The following TLN2 variants were observed in gnomAD, a reference collection of about 807,000 sequenced individuals.
The protein encoded by TLN2 is talin-2.
In TLN2, 118 loss-of-function variants were observed where a neutral mutation model predicts 294.7. The ratio of observed to expected loss-of-function variants is 0.40; its 90% CI spans 0.34 to 0.47. The LOEUF is 0.47. Among genes scored for constraint, TLN2 ranks in the 20% least tolerant of loss-of-function variants. The probability of loss-of-function intolerance (pLI) is 0.84; values close to 1 mark genes in which losing one functional copy is unlikely to be tolerated. For missense variants in TLN2, 3,083 were observed against 3,282.2 expected, an observed-to-expected ratio of 0.94 and a Z score of 1.48; for synonymous variants, 1,431 against 1,304.5, an observed-to-expected ratio of 1.10 and a Z score of -2.09.
intron 57 of TLN2, among the ~76,000 whole-genome samples, chr15:62,838,596 A>G (rs1054926831): frequency 2.6e-5 from 4 of 152,230 alleles, no homozygotes; most frequent in Non-Finnish European, 5.9e-5. Context: ...CATAATTGTA[A>G]TTCCCCTCAA....
At chr15:62,636,209 T>C (rs905240552) in intron 3 of TLN2, among the ~76,000 whole-genome samples, 1 of 152,138 alleles carries the variant, frequency 6.6e-6, no homozygotes, top group Non-Finnish European at 1.5e-5. Context: ...TGTAGAGAAC[T>C]AGACTTAATG....
chr15:62,562,062 C>T (rs1276005812), intron 1 of TLN2, among the ~76,000 whole-genome samples: 1 of 152,142 alleles, frequency 6.6e-6, no homozygotes, highest in Non-Finnish European at 1.5e-5. Context: ...AACTGTCCAT[C>T]TTCAAATTCG....
chr15:62,721,063 G>A (rs1445038615), intron 25 of TLN2, among the ~76,000 whole-genome samples: 2 of 151,302 alleles, frequency 1.3e-5, no homozygotes, highest in African/African-American at 4.9e-5. Context: ...CCGTGTAGAT[G>A]TGTTCCTGGT....
rs1427344880 is a variant in TLN2 at position 62,656,144 on chromosome 15, G to A, written c.660+58G>A. On this transcript the variant is annotated intron_variant, in intron 8 of 58. Transcript: ENST00000636159. ...GTGAGATTGCAGGAAGCTCCTGGCT[G>A]TATCTTGTGGCGAGCAGGAGGGCGG... 1.1e-5 allele frequency: 18 copies of A among 1,592,034 alleles called. No homozygotes were observed. The Admixed American group carries it at 1.4e-4, about 12-fold the overall frequency.
At chr15:62,830,400 G>A (rs565807005) in intron 54 of TLN2, 1 of 152,500 alleles carries the variant, frequency 6.6e-6, no homozygotes, top group African/African-American at 2.4e-5. Context: ...AGCTGCAGTG[G>A]GGACTGTTCC....
At chr15:62,436,012 C>T (rs1324831372) in intron 1 of TLN2, among the ~76,000 whole-genome samples, 1 of 152,156 alleles carries the variant, frequency 6.6e-6, no homozygotes, top group Non-Finnish European at 1.5e-5. Context: ...ATCACTGTTG[C>T]CTGCCTTCTC....
chr15:62,508,920 A>C (rs1455535452), intron 1 of TLN2, among the ~76,000 whole-genome samples: 1 of 152,242 alleles, frequency 6.6e-6, no homozygotes, highest in African/African-American at 2.4e-5. Flanking sequence ...TTGTATATAC[A>C]TGTGATAGTA....
chr15:62,492,553 A>AG (rs1161876529), intron 1 of TLN2, among the ~76,000 whole-genome samples: 3 of 151,486 alleles, frequency 2.0e-5, no homozygotes, highest in East Asian at 3.9e-4. Flanking sequence ...CAAAAAAAAA[A>AG]AAAAAAAGAA....
intron 1 of TLN2, among the ~76,000 whole-genome samples, chr15:62,440,150 T>A (rs930907256): frequency 6.8e-4 from 104 of 152,238 alleles, no homozygotes; most frequent in Non-Finnish European, 2.6e-4. Context: ...ATACCTTGGC[T>A]AACCTGTCTC....
chr15:62,630,989 A>AG (rs1379124987), intron 3 of TLN2, among the ~76,000 whole-genome samples: 1 of 152,150 alleles, frequency 6.6e-6, no homozygotes, highest in African/African-American at 2.4e-5. Context: ...AACTTAAAAG[A>AG]TTTTTTCATT....
Position 62,619,500 on chromosome 15 carries a change from T to TAA in TLN2, c.-37+1025_-37+1026insAA, listed in dbSNP as rs1325678933. ...ATTTTTCATTAACAACTGTAGTGGG[T>TAA]TGAATAGTGTGACCCACCTGCCCCC... On this transcript the variant is annotated intron_variant, in intron 3 of 58. Coordinates refer to ENST00000636159, the MANE Select transcript of TLN2 (RefSeq NM_015059.3). Among the ~76,000 whole-genome samples, 12 of 152,348 alleles carry TAA rather than the reference T, an allele frequency of 7.9e-5. No homozygotes were observed. In the East Asian group the frequency reaches 2.3e-3, roughly 29 times the overall value.
intron 24 of TLN2, among the ~76,000 whole-genome samples, chr15:62,718,364 G>A (rs867025258): frequency 6.6e-6 from 1 of 152,220 alleles, no homozygotes; most frequent in South Asian, 2.1e-4. Flanking sequence ...TGTCCTGGAA[G>A]TATTTGCAGC....
rs1317326271 is a variant in TLN2, at chr15:62,800,680, C to T, written c.6388C>T (p.Leu2130Phe). The part of the protein sequence containing the change: ...KVMVTNVTSL[L>F]KTVKAVEDEA... ...GATGGTGACCAATGTCACCTCGCTC[C>T]TCAAGACTGTAAAGGCAGTGGAGGA... is the stretch of plus-strand genomic sequence containing the variant. The change falls in exon 50 of 59, where the codon CTC (leucine) becomes TTC (phenylalanine). Residue 2130 changes from leucine (L) to phenylalanine (F), a missense_variant. Coordinates refer to ENST00000636159, the MANE Select transcript of TLN2 (RefSeq NM_015059.3). 3 of 1,614,186 alleles carry T rather than the reference C, an allele frequency of 1.9e-6. No individual in the cohort carries two copies. The highest frequency in any genetic ancestry group is 3.3e-5 in the Admixed American group (2 of 60,024).
intron 3 of TLN2, chr15:62,640,145 A>G (rs890809255): frequency 2.2e-6 from 1 of 455,304 alleles, no homozygotes; most frequent in East Asian, 7.0e-5. Flanking sequence ...GACCCAGTGC[A>G]TGGTGGGTTC....
In TLN2 at chr15:62,521,968, A is replaced by C. The variant is rs116508344; in HGVS notation, c.-237-67719A>C. Among the ~76,000 whole-genome samples the C allele has an allele frequency of 9.5e-3, 1,449 of 152,216 alleles. 28 individuals are homozygous for C. The highest frequency in any genetic ancestry group is 0.033 in the African/African-American group (1,386 of 41,526). ...TCTGTTTTGTCAGTCTTTGATCTCT[A>C]TTTTAGTGTTAATACTGGTCGTTTT... On this transcript the variant is annotated intron_variant, in intron 1 of 58. Transcript: ENST00000636159.
At chr15:62,408,720 T>G (rs16944983) in intron 1 of TLN2, among the ~76,000 whole-genome samples, 2,014 of 152,328 alleles carry the variant, frequency 0.013, 29 homozygotes, top group South Asian at 0.048. Context: ...TACCTGTGAT[T>G]AAGGTTAAGT....
chr15:62,633,726 A>T (rs914739824), intron 3 of TLN2, among the ~76,000 whole-genome samples: 3 of 152,196 alleles, frequency 2.0e-5, no homozygotes, highest in African/African-American at 7.2e-5. Context: ...TAATATCCTA[A>T]TTGGGCCTGT....
At chr15:62,761,901 T>TC (rs2141022076) in intron 38 of TLN2, 80 bp downstream of exon 38, 2 of 1,567,528 alleles carry the variant, frequency 1.3e-6, no homozygotes, top group East Asian at 2.3e-5. Flanking sequence ...TAGTTAAAAC[T>TC]CCAACAGCTC....
rs911144405 is a variant in TLN2, at chr15:62,439,579, C to G, written c.-238+48894C>G. ...CTGCCCGCCTTGGCCTCCCAAAGTG[C>G]TTGGATTACAGGTGTGAGCCACCGT... On this transcript the variant is annotated intron_variant, in intron 1 of 58. Coordinates refer to ENST00000636159, the MANE Select transcript of TLN2 (RefSeq NM_015059.3). Among the ~76,000 whole-genome samples, 23 of 152,286 alleles carry G rather than the reference C, an allele frequency of 1.5e-4. 1 individual carries two copies. The highest frequency in any genetic ancestry group is 2.6e-4 in the Admixed American group (4 of 15,290).
Sources: gnomAD v4.1 joint callset for allele counts (sites outside exome capture counted in the v4.1 genomes callset) on GRCh38, gnomAD v4.1.1 for gene constraint, MANE v1.5 for transcripts, NCBI Gene and HGNC (gene_info 2026-07-23, HGNC 2026-07-21) for gene names.